Variants in IFT25 observed in about 807,000 individuals in gnomAD.
IFT25 encodes the protein intraflagellar transport 25.
the IFT25 span, chr1:53,923,571 G>A: frequency 8.9e-6 from 2 of 225,782 alleles, no homozygotes; most frequent in African/African-American, 2.3e-5. Context: ...TTGGCATCGC[G>A]ACCCTTTTTT....
chr1:53,911,785 A>C, the IFT25 span, among the ~76,000 whole-genome samples: 1 of 152,190 alleles, frequency 6.6e-6, no homozygotes, highest in Admixed American at 6.5e-5. Flanking sequence ...GACTTTGATC[A>C]AGCTGCCTTG....
At chr1:53,944,478 C>T in the IFT25 span, among the ~76,000 whole-genome samples, 1 of 152,194 alleles carries the variant, frequency 6.6e-6, no homozygotes, top group African/African-American at 2.4e-5. Context: ...AACCTCGTCT[C>T]TACTAAAAAT....
chr1:53,936,766 T>G, the IFT25 span, among the ~76,000 whole-genome samples: 1 of 152,056 alleles, frequency 6.6e-6, no homozygotes, highest in Non-Finnish European at 1.5e-5. Context: ...TCTCTCTTCT[T>G]TTTTACTTTG....
chr1:53,932,644 A>G, the IFT25 span, among the ~76,000 whole-genome samples: 1 of 152,236 alleles, frequency 6.6e-6, no homozygotes, highest in Non-Finnish European at 1.5e-5. Flanking sequence ...GGCTCACTGC[A>G]GCATTGACGT....
At chr1:53,914,986 G>A in the IFT25 span, among the ~76,000 whole-genome samples, 2 of 152,186 alleles carry the variant, frequency 1.3e-5, no homozygotes, top group Non-Finnish European at 2.9e-5. Flanking sequence ...CTTTAAATAA[G>A]TATTTACTGG....
chr1:53,939,382 C>G, the IFT25 span, among the ~76,000 whole-genome samples: 1 of 143,006 alleles, frequency 7.0e-6, no homozygotes, highest in East Asian at 2.1e-4. Context: ...CAGAGTGAGA[C>G]TCTGTCTCAA....
At chr1:53,940,903 G>T in the IFT25 span, among the ~76,000 whole-genome samples, 1 of 151,972 alleles carries the variant, frequency 6.6e-6, no homozygotes, top group African/African-American at 2.4e-5. Flanking sequence ...GTAGAGGCCA[G>T]GTGTGGTGGC....
At chr1:53,937,227 G>A in the IFT25 span, among the ~76,000 whole-genome samples, 6 of 152,012 alleles carry the variant, frequency 3.9e-5, no homozygotes, top group African/African-American at 1.4e-4. Flanking sequence ...AGCGATTCTC[G>A]TGCCTCAGCC....
chr1:53,925,416 T>TGC, the IFT25 span, among the ~76,000 whole-genome samples: 1 of 151,560 alleles, frequency 6.6e-6, no homozygotes, highest in East Asian at 1.9e-4. Flanking sequence ...ATCCCAGCAT[T>TGC]TTGGGAGGCT....
chr1:53,935,492 T>G, the IFT25 span, among the ~76,000 whole-genome samples: 3 of 151,224 alleles, frequency 2.0e-5, no homozygotes, highest in Non-Finnish European at 4.4e-5. Context: ...GTTCTAAAAT[T>G]GATTGTGGAG....
chr1:53,935,244 CAG>C, the IFT25 span, among the ~76,000 whole-genome samples: 5 of 152,136 alleles, frequency 3.3e-5, no homozygotes, highest in Non-Finnish European at 7.4e-5. Flanking sequence ...ACCCAGGAGG[CAG>C]AGACTGCAGT....
At chr1:53,918,044 A>G in the IFT25 span, among the ~76,000 whole-genome samples, 179 of 152,312 alleles carry the variant, frequency 1.2e-3, no homozygotes, top group African/African-American at 4.1e-3. Flanking sequence ...TCTATCAGTT[A>G]GGATAGGCTA....
the IFT25 span, among the ~76,000 whole-genome samples, chr1:53,940,490 G>C: frequency 2.0e-5 from 3 of 151,980 alleles, no homozygotes; most frequent in Non-Finnish European, 4.4e-5. Context: ...CAAATAGCAA[G>C]AACACAGATT....
At chr1:53,918,163 G>A in the IFT25 span, among the ~76,000 whole-genome samples, 1 of 152,246 alleles carries the variant, frequency 6.6e-6, no homozygotes, top group African/African-American at 2.4e-5. Flanking sequence ...ACAGCTGACT[G>A]ATAAAAACAG....
the IFT25 span, among the ~76,000 whole-genome samples, chr1:53,944,537 C>A: frequency 6.6e-6 from 1 of 152,138 alleles, no homozygotes; most frequent in Non-Finnish European, 1.5e-5. Context: ...CCCAGCTACT[C>A]CGGAGGCTGA....
chr1:53,929,228 G>A, the IFT25 span, among the ~76,000 whole-genome samples: 1 of 152,200 alleles, frequency 6.6e-6, no homozygotes, highest in South Asian at 2.1e-4. Flanking sequence ...CCCTGCTTCA[G>A]TGTGACATCT....
At chr1:53,917,154 G>T in the IFT25 span, 1 of 151,090 alleles carries the variant, frequency 6.6e-6, no homozygotes, top group Non-Finnish European at 1.4e-5. Context: ...CAAAAAAAAA[G>T]AAAAACTTGG....
At chr1:53,943,445 C>T in the IFT25 span, among the ~76,000 whole-genome samples, 1 of 150,360 alleles carries the variant, frequency 6.7e-6, no homozygotes, top group South Asian at 2.1e-4. Context: ...AGGGACACTT[C>T]AAAACATCTG....
the IFT25 span, among the ~76,000 whole-genome samples, chr1:53,932,277 T>C: frequency 3.3e-5 from 5 of 150,794 alleles, no homozygotes; most frequent in Non-Finnish European, 7.4e-5. Flanking sequence ...GAAGTTGCCA[T>C]GAGCTGAGAT....
Sources: allele counts gnomAD v4.1 joint callset (sites outside exome capture counted in the v4.1 genomes callset), GRCh38; gene constraint gnomAD v4.1.1; transcripts MANE v1.5; gene names NCBI Gene and HGNC (gene_info 2026-07-23, HGNC 2026-07-21).